The following TRIP4 variants were observed in gnomAD, a reference collection of about 807,000 sequenced individuals.
TRIP4 encodes the protein thyroid hormone receptor interactor 4.
In TRIP4, 54 loss-of-function variants were observed where a neutral mutation model predicts 81.8. The ratio of observed to expected loss-of-function variants is 0.66; its 90% CI spans 0.53 to 0.83. The LOEUF (loss-of-function observed/expected upper bound fraction) is 0.83. Among genes scored for constraint, TRIP4 ranks in the 40% least tolerant of loss-of-function variants. The pLI, the probability that TRIP4 is intolerant of heterozygous loss-of-function variation, is 0.00. For synonymous variants in TRIP4, 270 were observed against 242.8 expected (o/e 1.11, Z -1.04); for missense variants, 662 against 683.6 (o/e 0.97, Z 0.35).
chr15:64,445,119 A>C lies in TRIP4; in HGVS notation c.1678+11A>C, dbSNP rs1424430292. On this transcript the variant is annotated intron_variant, in intron 12 of 12. Coordinates refer to ENST00000261884, the MANE Select transcript of TRIP4 (RefSeq NM_016213.5). ...GAAATCCAAAAATCTGTAAGTCATG[A>C]TTTTTTTTCTTTAAGACTAGTCAAG... The C allele has an allele frequency of 1.3e-6, 2 of 1,520,984 alleles. No homozygotes were observed. Among genetic ancestry groups the C allele is most frequent in the East Asian group, 4.5e-5 (2 of 44,232 alleles). 94.2% of individuals were successfully genotyped at this position (1,520,984 alleles called of 1,614,324 possible).
chr15:64,448,085 C>T (rs1892674007), intron 12 of TRIP4, among the ~76,000 whole-genome samples: 1 of 152,154 alleles, frequency 6.6e-6, no homozygotes, highest in Non-Finnish European at 1.5e-5. Flanking sequence ...TTCTCACCTT[C>T]CTCTAGGTAC....
chr15:64,428,855 A>G (rs2140303326), intron 11 of TRIP4, among the ~76,000 whole-genome samples: 1 of 151,768 alleles, frequency 6.6e-6, no homozygotes, highest in Non-Finnish European at 1.5e-5. Context: ...CAGGTGATAC[A>G]CCCGCATTGA....
intron 12 of TRIP4, among the ~76,000 whole-genome samples, chr15:64,449,690 G>A (rs1355704949): frequency 1.3e-5 from 2 of 152,102 alleles, no homozygotes; most frequent in Non-Finnish European, 2.9e-5. Context: ...AGGTAATTGT[G>A]TCTCCTCAAA....
At position 64,418,446 on chromosome 15, in the gene TRIP4, A is replaced by G. The variant is rs1361049417; in HGVS notation, c.1171-95A>G. ...TTTTTCTAAGAAAAATGTTCCCAAT[A>G]TGATTTCCTCATTATTAGCATTCGC... On this transcript the variant is annotated intron_variant, in intron 8 of 12. Transcript: ENST00000261884. 4 of 1,309,568 alleles carry G rather than the reference A, an allele frequency of 3.1e-6. No individual in the cohort carries two copies. In the African/African-American group the frequency reaches 4.5e-5, roughly 15 times the overall value. 81.1% of individuals were successfully genotyped at this position (1,309,568 alleles called of 1,614,324 possible).
chr15:64,446,326 G>C (rs1438958727), intron 12 of TRIP4, among the ~76,000 whole-genome samples: 2 of 151,902 alleles, frequency 1.3e-5, no homozygotes, highest in African/African-American at 4.8e-5. Flanking sequence ...CTATTTTAGA[G>C]ACACCACTTC....
chr15:64,388,132 C>A, intron 1 of TRIP4, 168 bp downstream of exon 1: 1 of 1,230,132 alleles, frequency 8.1e-7, no homozygotes, highest in Non-Finnish European at 1.0e-6. Context: ...AGTTTAGTTT[C>A]TGGAATAGGG....
At chr15:64,401,444 AT>A (rs1199633508) in intron 5 of TRIP4, among the ~76,000 whole-genome samples, 1 of 151,514 alleles carries the variant, frequency 6.6e-6, no homozygotes, top group Non-Finnish European at 1.5e-5. Flanking sequence ...CAATATTTAC[AT>A]TTTTTTAGTA....
intron 11 of TRIP4, among the ~76,000 whole-genome samples, chr15:64,437,442 A>G (rs1204233338): frequency 1.3e-5 from 2 of 151,846 alleles, no homozygotes; most frequent in Non-Finnish European, 2.9e-5. Flanking sequence ...AAAAAATGCC[A>G]TATGAAAGGA....
At chr15:64,403,425 CT>C (rs1287316910) in intron 5 of TRIP4, among the ~76,000 whole-genome samples, 4 of 152,196 alleles carry the variant, frequency 2.6e-5, no homozygotes, top group Non-Finnish European at 5.9e-5. Context: ...TCCCAAAGTG[CT>C]GGAATTACAG....
At chr15:64,451,086 T>C (rs770871569) in intron 12 of TRIP4, 3 of 165,350 alleles carry the variant, frequency 1.8e-5, no homozygotes, top group Non-Finnish European at 4.0e-5. Flanking sequence ...CACCCTTACT[T>C]CTTCAGGAGA....
rs575589327 is a variant in TRIP4, at chr15:64,390,505, A to G, written c.101+2541A>G. Among the ~76,000 whole-genome samples the G allele has an allele frequency of 1.1e-4, 17 of 152,048 alleles. No individual in the cohort carries two copies. In the East Asian group the frequency reaches 3.3e-3, roughly 29 times the overall value. ...GAAAGATTGAGGCTATTTTTGATAA[A>G]TTAACAATTTGAAATAGGGTAAGAA... On this transcript the variant is annotated intron_variant, in intron 1 of 12. Transcript: ENST00000261884.
At chr15:64,398,578 A>G (rs979547854) in intron 4 of TRIP4, among the ~76,000 whole-genome samples, 1 of 152,096 alleles carries the variant, frequency 6.6e-6, no homozygotes, top group Non-Finnish European at 1.5e-5. Context: ...TCCTTATCTC[A>G]GAAGAAAGAA....
At chr15:64,437,348 G>A (rs1892424334) in intron 11 of TRIP4, among the ~76,000 whole-genome samples, 1 of 151,430 alleles carries the variant, frequency 6.6e-6, no homozygotes, top group Non-Finnish European at 1.5e-5. Flanking sequence ...AACCTGGGAG[G>A]CAGAGTTGCA....
rs1465381327 is a variant in TRIP4, at chr15:64,394,006, G to A, written c.162G>A (p.Gln54=). The part of the protein sequence containing the change: ...EIREYVTDLL[Q]GNEGKKGQFI... ...GAGAATATGTTACTGATCTCCTCCA[G>A]GGAAATGAAGGCAAAAAAGGTCAAT... The change falls in exon 2 of 13, where the codon CAG becomes CAA. Residue 54 remains glutamine, a synonymous_variant. Transcript: ENST00000261884. 2 of 1,611,018 alleles carry A rather than the reference G, an allele frequency of 1.2e-6. No homozygotes were observed. Among genetic ancestry groups the A allele is most frequent in the African/African-American group, 2.7e-5 (2 of 74,760 alleles).
intron 7 of TRIP4, 21 bp downstream of exon 7, chr15:64,409,849 A>G: frequency 6.2e-7 from 1 of 1,602,690 alleles, no homozygotes; most frequent in Non-Finnish European, 8.5e-7. Flanking sequence ...AGCACTAGAA[A>G]GGGTCTCAAA....
At chr15:64,408,464 T>G (rs1891683813) in intron 6 of TRIP4, among the ~76,000 whole-genome samples, 1 of 151,460 alleles carries the variant, frequency 6.6e-6, no homozygotes, top group Non-Finnish European at 1.5e-5. Context: ...TTTCACCGTG[T>G]TAGCCAGGAT....
chr15:64,435,491 A>T (rs1892370795), intron 11 of TRIP4, among the ~76,000 whole-genome samples: 1 of 149,098 alleles, frequency 6.7e-6, no homozygotes, highest in Non-Finnish European at 1.5e-5. Flanking sequence ...GCGCCACTGC[A>T]TTCCAACCTG....
At chr15:64,408,163 GTTT>G (rs10641751) in intron 6 of TRIP4, among the ~76,000 whole-genome samples, 5 of 132,686 alleles carry the variant, frequency 3.8e-5, no homozygotes, top group African/African-American at 1.4e-4. Flanking sequence ...CTTTATTTTT[GTTT>G]TTTTTTTTTG....
At chr15:64,388,087 G>A (rs1900003102) in intron 1 of TRIP4, 123 bp downstream of exon 1, 2 of 1,342,342 alleles carry the variant, frequency 1.5e-6, no homozygotes, top group East Asian at 5.6e-5. Context: ...GCAGTCTGTA[G>A]TCTGTAGGCG....
Sources: allele counts gnomAD v4.1 joint callset (sites outside exome capture counted in the v4.1 genomes callset), GRCh38; gene constraint gnomAD v4.1.1; transcripts MANE v1.5; gene names NCBI Gene and HGNC (gene_info 2026-07-23, HGNC 2026-07-21).